Variants in C7orf57 observed in about 807,000 individuals in gnomAD.
C7orf57 encodes chromosome 7 open reading frame 57.
Under a neutral mutation model 39.0 loss-of-function variants are expected in C7orf57, and 33 were observed. That is an observed-to-expected ratio of 0.85 (90% CI 0.64 to 1.13). C7orf57 has a LOEUF of 1.13. Ranked by LOEUF, C7orf57 falls within the 50% of genes most tolerant of loss-of-function variation. C7orf57 has a pLI of 0.00. For synonymous variants in C7orf57, 124 were observed against 137.1 expected (o/e 0.90, Z 0.67); for missense variants, 346 against 362.3 (o/e 0.95, Z 0.37).
Position 48,043,532 on chromosome 7 carries a change from A to G in C7orf57, c.293A>G (p.Tyr98Cys), listed in dbSNP as rs1790614169. The G allele has an allele frequency of 1.9e-6, 3 of 1,613,684 alleles. No individual in the cohort carries two copies. In the Admixed American group the frequency reaches 5.0e-5, roughly 27 times the overall value. The change falls in exon 4 of 9, where the codon TAC becomes TGC. Residue 98 changes from tyrosine (Y) to cysteine (C), a missense_variant. By Grantham distance (194) the Tyr-to-Cys change is radical (BLOSUM62 -2). Transcript: ENST00000348904. ...ACCAGGAAAGGCTCTCCAGTGGCCT[A>G]CTCCCTGCCAGACTGGTATATCCAC... The part of the protein sequence containing the change: ...PGTRKGSPVA[Y>C]SLPDWYIHHS...
intron 2 of C7orf57, among the ~76,000 whole-genome samples, chr7:48,041,053 G>C (rs769010927): frequency 2.6e-4 from 40 of 152,100 alleles, no homozygotes; most frequent in African/African-American, 8.2e-4. Context: ...GTACCTCCCT[G>C]GGAAGCGAAA....
rs1048941595 is a variant in C7orf57 at position 48,050,065 on chromosome 7, A to G, written c.605+88A>G. ...ATCCGGTGATGACTGCGCTAGTGAC[A>G]GCATCCACACAACTTCCCGAAGCCC... On this transcript the variant is annotated intron_variant, in intron 6 of 8. Transcript: ENST00000348904. The G allele has an allele frequency of 4.6e-6, 4 of 862,168 alleles. No individual in the cohort carries two copies. The Admixed American group carries it at 7.9e-5, about 17-fold the overall frequency. 53.4% of individuals were successfully genotyped at this position (862,168 alleles called of 1,614,324 possible).
intron 7 of C7orf57, among the ~76,000 whole-genome samples, chr7:48,053,285 C>T (rs1278738913): frequency 1.3e-5 from 2 of 152,078 alleles, no homozygotes; most frequent in East Asian, 3.8e-4. Flanking sequence ...GCATAAGCAG[C>T]CGGTACTTTT....
chr7:48,048,199 C>T (rs926500437), intron 5 of C7orf57, among the ~76,000 whole-genome samples: 3 of 152,140 alleles, frequency 2.0e-5, no homozygotes, highest in Non-Finnish European at 2.9e-5. Context: ...GACATGGTGT[C>T]GGGTAAGGTG....
chr7:48,049,138 G>GC (rs1193711377), intron 5 of C7orf57, among the ~76,000 whole-genome samples: 2 of 152,112 alleles, frequency 1.3e-5, no homozygotes, highest in Non-Finnish European at 2.9e-5. Context: ...CTTCTGATAA[G>GC]CCCCCTCACC....
intron 2 of C7orf57, among the ~76,000 whole-genome samples, chr7:48,039,109 T>C (rs190001735): frequency 1.3e-5 from 2 of 152,350 alleles, no homozygotes; most frequent in East Asian, 3.9e-4. Flanking sequence ...AATTCTCTCC[T>C]GGATCAGGAA....
At chr7:48,054,673 A>AT in intron 8 of C7orf57, 67 bp downstream of exon 8, 1 of 1,379,020 alleles carries the variant, frequency 7.3e-7, no homozygotes, top group Non-Finnish European at 1.0e-6. Flanking sequence ...TGATGGACAT[A>AT]GTCCTGCATT....
chr7:48,051,793 T>TC (rs761046665), intron 6 of C7orf57, among the ~76,000 whole-genome samples: 42 of 106,756 alleles, frequency 3.9e-4, no homozygotes, highest in South Asian at 6.7e-4. Flanking sequence ...TTTCTTTCTT[T>TC]CTTTCCTTCC....
chr7:48,052,194 G>A (rs548103808), intron 6 of C7orf57, among the ~76,000 whole-genome samples: 1 of 151,976 alleles, frequency 6.6e-6, no homozygotes, highest in South Asian at 2.1e-4. Context: ...GGATGGCCTC[G>A]ATCTCTTGAC....
intron 4 of C7orf57, 104 bp from the exon 5 acceptor site, chr7:48,046,356 C>G: frequency 1.9e-6 from 2 of 1,028,316 alleles, no homozygotes; most frequent in East Asian, 2.8e-5. Context: ...AGGAGGGAGA[C>G]AGAAGGAGGG....
chr7:48,056,021 T>C (rs570791414), intron 8 of C7orf57, among the ~76,000 whole-genome samples: 10 of 152,328 alleles, frequency 6.6e-5, no homozygotes, highest in African/African-American at 2.4e-4. Context: ...ATTCGATTTT[T>C]AGTTTTTTAA....
At chr7:48,059,944 G>A (rs1050712967) in intron 8 of C7orf57, among the ~76,000 whole-genome samples, 6 of 152,130 alleles carry the variant, frequency 3.9e-5, no homozygotes, top group African/African-American at 1.4e-4. Context: ...TTATCGGTGT[G>A]CTTATGTCAG....
At chr7:48,060,103 A>G (rs1791248820) in intron 8 of C7orf57, 123 bp from the exon 9 acceptor site, 1 of 557,536 alleles carries the variant, frequency 1.8e-6, no homozygotes, top group African/African-American at 1.9e-5. Flanking sequence ...TTTTATGTAG[A>G]CTTCAGAAAT....
chr7:48,039,973 G>C (rs1288040014), intron 2 of C7orf57, among the ~76,000 whole-genome samples: 2 of 150,432 alleles, frequency 1.3e-5, no homozygotes, highest in African/African-American at 4.9e-5. Context: ...TCTTACATTT[G>C]GGCATCTGGT....
At chr7:48,042,981 C>G (rs534348343) in intron 3 of C7orf57, among the ~76,000 whole-genome samples, 25 of 152,232 alleles carry the variant, frequency 1.6e-4, no homozygotes, top group Non-Finnish European at 3.1e-4. Flanking sequence ...GGGCTTGTAT[C>G]CTACTTCCCA....
Position 48,035,940 on chromosome 7 carries a change from G to A in C7orf57, c.-101-268G>A, listed in dbSNP as rs1253325446. Among the ~76,000 whole-genome samples, 1 of 151,928 alleles carries A rather than the reference G, an allele frequency of 6.6e-6. No homozygotes were observed. Among genetic ancestry groups the A allele is most frequent in the Non-Finnish European group, 1.5e-5 (1 of 67,976 alleles). On this transcript the variant is annotated intron_variant, in intron 1 of 8. Coordinates refer to ENST00000348904, the MANE Select transcript of C7orf57 (RefSeq NM_001100159.3). This position sits in a 1 kb window ranked among gnomAD's most constrained non-coding sequence, Gnocchi z 4.0. ...CACGTGTCTCTGCTGAATACCCCGC[G>A]TGAATGTGCCCCTGCTGTGTACCCG...
Position 48,035,609 on chromosome 7 carries a change from C to T in C7orf57, c.-123C>T, listed in dbSNP as rs1204136998. The T allele has an allele frequency of 5.8e-6, 4 of 691,130 alleles. No individual in the cohort carries two copies. Among genetic ancestry groups the T allele is most frequent in the East Asian group, 5.5e-5 (2 of 36,246 alleles). The allele number at this position is 691,130 out of a possible 1,614,324, so 42.8% of individuals were successfully genotyped here. On this transcript the variant is annotated 5_prime_UTR_variant, in exon 1 of 9. Transcript: ENST00000348904. The surrounding 1 kb of genome is among the most constrained non-coding windows in gnomAD (Gnocchi z 4.0). ...AACGCCGGGCGCCGCGGGCAGCACC[C>T]ACGGAGACCCGCGGGGAGCTGGTGA...
At chr7:48,048,852 T>G (rs2128794703) in intron 5 of C7orf57, among the ~76,000 whole-genome samples, 1 of 152,212 alleles carries the variant, frequency 6.6e-6, no homozygotes, top group Non-Finnish European at 1.5e-5. Flanking sequence ...AAAGTTCACC[T>G]TAAAAAAAAC....
At chr7:48,042,793 A>C (rs957890586) in intron 3 of C7orf57, among the ~76,000 whole-genome samples, 11 of 152,186 alleles carry the variant, frequency 7.2e-5, no homozygotes, top group Non-Finnish European at 1.5e-4. Context: ...CCTTATGATC[A>C]AGAAAGTCAG....
Sources: allele counts gnomAD v4.1 joint callset (sites outside exome capture counted in the v4.1 genomes callset), GRCh38; gene constraint gnomAD v4.1.1; non-coding constraint Gnocchi (gnomAD v3.1); transcripts MANE v1.5; gene names NCBI Gene and HGNC (gene_info 2026-07-23, HGNC 2026-07-21).